The following QTMAN variants were observed in gnomAD, a reference collection of about 807,000 sequenced individuals.
The protein encoded by QTMAN is queuosine-tRNA mannosyltransferase, also known as tRNA-queuosine alpha-mannosyltransferase.
chr2:143,997,971 CA>C, the QTMAN span, among the ~76,000 whole-genome samples: 1 of 152,102 alleles, frequency 6.6e-6, no homozygotes, highest in East Asian at 1.9e-4. Context: ...TGCCGATCAG[CA>C]GGTATGCGGT....
chr2:144,269,724 A>T, the QTMAN span, among the ~76,000 whole-genome samples: 1 of 152,176 alleles, frequency 6.6e-6, no homozygotes, highest in African/African-American at 2.4e-5. Flanking sequence ...ACTAAGATCC[A>T]GAAGGAAAGA....
At chr2:144,135,128 C>G in the QTMAN span, among the ~76,000 whole-genome samples, 4 of 152,146 alleles carry the variant, frequency 2.6e-5, no homozygotes, top group Non-Finnish European at 5.9e-5. Flanking sequence ...ATGAGAAATG[C>G]TACTTTGTAA....
chr2:144,009,967 T>C, the QTMAN span, among the ~76,000 whole-genome samples: 6 of 150,864 alleles, frequency 4.0e-5, 1 homozygote, highest in South Asian at 1.3e-3. Flanking sequence ...ATAAAGCAAT[T>C]GAAGTAACCT....
the QTMAN span, among the ~76,000 whole-genome samples, chr2:144,250,453 T>C: frequency 6.6e-6 from 1 of 152,112 alleles, no homozygotes; most frequent in African/African-American, 2.4e-5. Context: ...CACACTGCCA[T>C]TTAAAATGGG....
At chr2:144,099,569 T>C in the QTMAN span, among the ~76,000 whole-genome samples, 1 of 152,228 alleles carries the variant, frequency 6.6e-6, no homozygotes, top group Admixed American at 6.5e-5. Context: ...TGAATAAACT[T>C]GGCAGACTGC....
At chr2:144,139,018 T>C in the QTMAN span, among the ~76,000 whole-genome samples, 4 of 151,898 alleles carry the variant, frequency 2.6e-5, no homozygotes, top group African/African-American at 9.7e-5. Flanking sequence ...AAGGTGTAAA[T>C]GATTTGAGAG....
the QTMAN span, among the ~76,000 whole-genome samples, chr2:143,981,135 A>G: frequency 2.6e-5 from 4 of 152,204 alleles, no homozygotes; most frequent in African/African-American, 9.7e-5. Flanking sequence ...GTGTTCTTGT[A>G]TATTATTTCA....
the QTMAN span, among the ~76,000 whole-genome samples, chr2:144,297,285 T>C: frequency 6.6e-6 from 1 of 152,168 alleles, no homozygotes; most frequent in South Asian, 2.1e-4. Context: ...AATTCAGACA[T>C]TGTTTTAAAA....
chr2:144,280,254 AACTT>A, the QTMAN span, among the ~76,000 whole-genome samples: 3 of 152,204 alleles, frequency 2.0e-5, no homozygotes, highest in Non-Finnish European at 4.4e-5. Context: ...CAGACAATTA[AACTT>A]ACTTATTTAA....
the QTMAN span, among the ~76,000 whole-genome samples, chr2:144,017,017 T>C: frequency 1.3e-5 from 2 of 152,068 alleles, no homozygotes; most frequent in African/African-American, 2.4e-5. Context: ...GTTACTTTTT[T>C]TTTTTTGAGA....
At chr2:144,023,582 A>G in the QTMAN span, among the ~76,000 whole-genome samples, 1 of 152,240 alleles carries the variant, frequency 6.6e-6, no homozygotes. Context: ...GAGGTTCAAC[A>G]TTATTTGCAG....
At chr2:144,247,237 A>T in the QTMAN span, among the ~76,000 whole-genome samples, 2 of 152,214 alleles carry the variant, frequency 1.3e-5, no homozygotes, top group Non-Finnish European at 2.9e-5. Context: ...AAAAAAATTG[A>T]AATGTATTAT....
the QTMAN span, among the ~76,000 whole-genome samples, chr2:144,263,829 C>T: frequency 6.6e-6 from 1 of 152,050 alleles, no homozygotes; most frequent in African/African-American, 2.4e-5. Flanking sequence ...GGGCTAGGCA[C>T]TATAAGAGGC....
chr2:144,305,630 TGAA>T, the QTMAN span, among the ~76,000 whole-genome samples: 2 of 152,212 alleles, frequency 1.3e-5, no homozygotes, highest in African/African-American at 2.4e-5. Flanking sequence ...TTGCCTTTTC[TGAA>T]GAAGAAAAAT....
the QTMAN span, among the ~76,000 whole-genome samples, chr2:144,219,409 G>A: frequency 5.3e-5 from 8 of 152,280 alleles, no homozygotes; most frequent in South Asian, 2.1e-4. Flanking sequence ...GGGATTACAG[G>A]CGTAAGCCAC....
the QTMAN span, among the ~76,000 whole-genome samples, chr2:144,261,752 G>A: frequency 1.3e-5 from 2 of 152,198 alleles, no homozygotes; most frequent in African/African-American, 2.4e-5. Context: ...AAATATGAAT[G>A]ATAAACTTTA....
chr2:144,157,266 T>C, the QTMAN span, among the ~76,000 whole-genome samples: 7 of 152,114 alleles, frequency 4.6e-5, no homozygotes, highest in Admixed American at 4.6e-4. Context: ...GATATCCACC[T>C]GACTCTTAAT....
chr2:144,114,505 A>G, the QTMAN span, among the ~76,000 whole-genome samples: 1 of 152,228 alleles, frequency 6.6e-6, no homozygotes, highest in Non-Finnish European at 1.5e-5. Context: ...CTGTAATTTA[A>G]TGAAAAAATT....
the QTMAN span, among the ~76,000 whole-genome samples, chr2:144,277,619 T>C: frequency 6.6e-6 from 1 of 152,182 alleles, no homozygotes; most frequent in African/African-American, 2.4e-5. Context: ...ATTTAGATTC[T>C]TACACTGCTT....
Sources: allele counts gnomAD v4.1 joint callset (sites outside exome capture counted in the v4.1 genomes callset), GRCh38; gene constraint gnomAD v4.1.1; transcripts MANE v1.5; gene names NCBI Gene and HGNC (gene_info 2026-07-23, HGNC 2026-07-21).